Variants in SEC63 observed in about 807,000 individuals in gnomAD.
SEC63 encodes SEC63 protein translocation regulator.
In SEC63, 56 loss-of-function variants were observed where a neutral mutation model predicts 116.2. The ratio of observed to expected loss-of-function variants is 0.48; its 90% CI spans 0.39 to 0.60. SEC63 has a LOEUF of 0.60. Ranked by LOEUF, SEC63 falls within the 20% of genes least tolerant of loss-of-function variation. The probability of loss-of-function intolerance (pLI) is 0.00; values close to 1 mark genes in which losing one functional copy is unlikely to be tolerated. For missense variants in SEC63, 668 were observed against 900.0 expected, an observed-to-expected ratio of 0.74 and a Z score of 3.30; for synonymous variants, 273 against 294.6, an observed-to-expected ratio of 0.93 and a Z score of 0.75.
intron 10 of SEC63, among the ~76,000 whole-genome samples, 189 bp from the exon 11 acceptor site, chr6:107,904,910 C>T (rs1194610947): frequency 6.6e-6 from 1 of 152,200 alleles, no homozygotes; most frequent in African/African-American, 2.4e-5. Context: ...AAAACCCTAG[C>T]TCAGATTAGA....
intron 17 of SEC63, 125 bp from the exon 18 acceptor site, chr6:107,881,375 A>G (rs1786411792): frequency 2.9e-6 from 2 of 682,074 alleles, no homozygotes; most frequent in Non-Finnish European, 5.2e-6. Flanking sequence ...CAGTCTCACA[A>G]ATCTGATCAT....
intron 1 of SEC63, among the ~76,000 whole-genome samples, chr6:107,941,308 C>A (rs1770369999): frequency 6.6e-6 from 1 of 151,972 alleles, no homozygotes; most frequent in South Asian, 2.1e-4. Context: ...TAAAAATTAG[C>A]CGGGTGTGGT....
intron 1 of SEC63, among the ~76,000 whole-genome samples, chr6:107,956,828 G>A (rs755579936): frequency 6.6e-6 from 1 of 152,150 alleles, no homozygotes; most frequent in Non-Finnish European, 1.5e-5. Context: ...ACTTCTCCAA[G>A]TAGAGTATAT....
chr6:107,953,440 G>A (rs1413992910), intron 1 of SEC63, among the ~76,000 whole-genome samples: 1 of 145,868 alleles, frequency 6.9e-6, no homozygotes, highest in Non-Finnish European at 1.5e-5. Flanking sequence ...TCCGGGAGGT[G>A]AGGGGCACCT....
intron 14 of SEC63, among the ~76,000 whole-genome samples, chr6:107,895,214 C>G (rs1440630423): frequency 3.6e-4 from 54 of 151,990 alleles, no homozygotes; most frequent in Non-Finnish European, 2.9e-5. Context: ...AGTTCAAGAC[C>G]AAATTTTTGC....
At chr6:107,896,449 G>A (rs1786832687) in intron 14 of SEC63, among the ~76,000 whole-genome samples, 1 of 152,016 alleles carries the variant, frequency 6.6e-6, no homozygotes, top group African/African-American at 2.4e-5. Flanking sequence ...CTGGGTGACA[G>A]AGCTAGCTAG....
At chr6:107,904,746 A>G in intron 10 of SEC63, 25 bp from the exon 11 acceptor site, 2 of 1,523,778 alleles carry the variant, frequency 1.3e-6, no homozygotes, top group Non-Finnish European at 1.8e-6. Flanking sequence ...AAAACCTGAA[A>G]CAGATCATTT....
At chr6:107,893,272 T>C (rs1245192181) in intron 16 of SEC63, among the ~76,000 whole-genome samples, 2 of 151,874 alleles carry the variant, frequency 1.3e-5, no homozygotes, top group East Asian at 1.9e-4. Context: ...GCAAAACTAA[T>C]CTATGGCGAT....
In SEC63 at chr6:107,937,123, A is replaced by ATTTTTTTT. The variant is rs3062082; in HGVS notation, c.125-7617_125-7610dup. Among the ~76,000 whole-genome samples, 9 of 129,914 alleles carry ATTTTTTTT rather than the reference A, an allele frequency of 6.9e-5. 1 individual carries two copies. The highest frequency in any genetic ancestry group is 1.7e-4 in the Admixed American group (2 of 12,100). 85.2% of individuals were successfully genotyped at this position (129,914 alleles called of 152,430 possible). A position where few individuals can be genotyped will look rare whatever the true frequency, so the allele number is the denominator to read the frequency against. ...GTATTCTACAGTGTATATGTACCAC[A>ATTTTTTTT]TTTTTTTTTTTTTTTTGAGACAGAG... On this transcript the variant is annotated intron_variant, in intron 1 of 20. Transcript: ENST00000369002.
chr6:107,901,635 T>C, intron 12 of SEC63, 118 bp from the exon 13 acceptor site: 1 of 679,512 alleles, frequency 1.5e-6, no homozygotes, highest in South Asian at 2.0e-5. Context: ...AAAGTGTTGA[T>C]TAATGTGCAT....
chr6:107,919,741 G>A (rs561159467), intron 4 of SEC63, among the ~76,000 whole-genome samples: 1 of 151,754 alleles, frequency 6.6e-6, no homozygotes, highest in African/African-American at 2.4e-5. Flanking sequence ...AGAATGGCGT[G>A]AACCCGGGAG....
chr6:107,893,807 G>A, intron 15 of SEC63, 31 bp downstream of exon 15: 1 of 1,612,470 alleles, frequency 6.2e-7, no homozygotes, highest in Non-Finnish European at 8.5e-7. Context: ...CTTTCACTAG[G>A]AAAAATAGGT....
chr6:107,904,501 T>C (rs1435602068), intron 11 of SEC63, 128 bp downstream of exon 11: 4 of 725,650 alleles, frequency 5.5e-6, no homozygotes, highest in Non-Finnish European at 9.8e-6. Context: ...AAGACATGAG[T>C]AAAATTGAAG....
At chr6:107,911,297 G>A (rs1183958814) in intron 7 of SEC63, 49 bp downstream of exon 7, 2 of 1,246,996 alleles carry the variant, frequency 1.6e-6, no homozygotes, top group Admixed American at 1.7e-5. Flanking sequence ...TCCAAAACAT[G>A]TCAATCTCCT....
chr6:107,870,666 G>A lies in SEC63; in HGVS notation c.*1038C>T, dbSNP rs201586133. The A allele has an allele frequency of 6.6e-6, 1 of 152,090 alleles. No homozygotes were observed. The highest frequency in any genetic ancestry group is 1.9e-4 in the East Asian group (1 of 5,186). 9.4% of individuals were successfully genotyped at this position (152,090 alleles called of 1,614,324 possible). Reference sequence around the variant, plus strand: ...TACAGAAATAGCAGTCACTTTAGCAGTAATGTACAATACTATTCAATCTTT... The same window carrying A: ...TACAGAAATAGCAGTCACTTTAGCAATAATGTACAATACTATTCAATCTTT... On this transcript the variant is annotated 3_prime_UTR_variant, in exon 21 of 21. Coordinates refer to ENST00000369002, the MANE Select transcript of SEC63 (RefSeq NM_007214.5).
intron 17 of SEC63, among the ~76,000 whole-genome samples, chr6:107,882,589 A>G (rs1248678301): frequency 3.3e-5 from 5 of 152,188 alleles, no homozygotes; most frequent in Admixed American, 6.5e-5. Context: ...GTTTCTCTAC[A>G]GTAAACATGA....
chr6:107,927,958 G>A (rs1787712657), intron 2 of SEC63, among the ~76,000 whole-genome samples: 1 of 151,512 alleles, frequency 6.6e-6, no homozygotes, highest in Non-Finnish European at 1.5e-5. Context: ...AAATATTTTC[G>A]ATTCACAGTT....
chr6:107,937,645 G>A (rs765187039), intron 1 of SEC63, among the ~76,000 whole-genome samples: 26 of 152,276 alleles, frequency 1.7e-4, no homozygotes, highest in Non-Finnish European at 3.1e-4. Flanking sequence ...GGCTGAACTA[G>A]TTTACATTCC....
chr6:107,933,113 G>A (rs1038542022), intron 1 of SEC63, among the ~76,000 whole-genome samples: 43 of 152,188 alleles, frequency 2.8e-4, no homozygotes, highest in African/African-American at 1.0e-3. Context: ...ATGTGACAAC[G>A]GAAGCAGATG....
Sources: allele counts gnomAD v4.1 joint callset (sites outside exome capture counted in the v4.1 genomes callset), GRCh38; gene constraint gnomAD v4.1.1; transcripts MANE v1.5; gene names NCBI Gene and HGNC (gene_info 2026-07-23, HGNC 2026-07-21).